The following SLC25A31 variants were observed in gnomAD, a reference collection of about 807,000 sequenced individuals.
SLC25A31 encodes the protein solute carrier family 25 member 31.
A neutral mutation model predicts 36.2 loss-of-function variants in SLC25A31; 40 were observed. The observed-to-expected ratio is 1.10, with a 90% CI of 0.86 to 1.44. The LOEUF is 1.44. SLC25A31 is among the 40% of genes most tolerant of loss of function. The pLI, the probability that SLC25A31 is intolerant of heterozygous loss-of-function variation, is 0.00. For synonymous variants in SLC25A31, 143 were observed against 149.7 expected (o/e 0.96, Z 0.32); for missense variants, 350 against 397.1 (o/e 0.88, Z 1.01).
intron 5 of SLC25A31, 58 bp downstream of exon 5, chr4:127,768,935 G>T: frequency 2.1e-6 from 3 of 1,446,570 alleles, no homozygotes; most frequent in Non-Finnish European, 1.8e-6. Context: ...TGATATTTAG[G>T]TATAATCAAA....
chr4:127,759,894 C>T (rs1231842853), intron 2 of SLC25A31, among the ~76,000 whole-genome samples: 1 of 152,130 alleles, frequency 6.6e-6, no homozygotes, highest in Non-Finnish European at 1.5e-5. Flanking sequence ...TAGAAAAAGC[C>T]AATCTCAAAG....
intron 5 of SLC25A31, among the ~76,000 whole-genome samples, chr4:127,771,123 A>C (rs1458393309): frequency 6.6e-6 from 1 of 151,346 alleles, no homozygotes; most frequent in African/African-American, 2.4e-5. Flanking sequence ...CACCCAGCTA[A>C]TTTTTTGTAT....
Position 127,767,198 on chromosome 4 carries a change from T to A in SLC25A31, c.611T>A (p.Phe204Tyr). 1.9e-6 allele frequency: 3 copies of A among 1,604,210 alleles called. No homozygotes were observed. Among genetic ancestry groups the A allele is most frequent in the Non-Finnish European group, 2.6e-6 (3 of 1,175,250 alleles). ...ATCATTGTGTACCGAGCCTCTTATT[T>A]TGGAGCTTATGACACAGTTAAGGTA... ...QGIIVYRASY[F>Y]GAYDTVKGLL... The change falls in exon 4 of 6, where the codon TTT becomes TAT. Residue 204 changes from phenylalanine to tyrosine, a missense_variant. Phe to Tyr is a conservative substitution (Grantham distance 22). Coordinates refer to ENST00000281154, the MANE Select transcript of SLC25A31 (RefSeq NM_031291.4).
At chr4:127,742,615 G>A (rs1376615886) in intron 1 of SLC25A31, among the ~76,000 whole-genome samples, 2 of 152,192 alleles carry the variant, frequency 1.3e-5, no homozygotes, top group East Asian at 1.9e-4. Flanking sequence ...TGTGCAATAA[G>A]CAGCAGAACC....
In SLC25A31 at chr4:127,730,706, C is replaced by A; in HGVS notation, c.161C>A (p.Ser54Ter). Residue 54 changes from serine to a stop codon, truncating the protein, a stop_gained, in exon 1 of 6, where the codon TCG becomes TAG. Coordinates refer to ENST00000281154, the MANE Select transcript of SLC25A31 (RefSeq NM_031291.4). LOFTEE classifies it high-confidence loss of function. ...CTGCTGCTGCAGGTGCAGGCGTCGT[C>A]GAAGCAGATCAGCCCCGAGGCGCGG... ...VKLLLQVQAS[S>*]KQISPEARYK... is the part of the protein sequence containing the mutation. 1 of 1,613,880 alleles carries A rather than the reference C, an allele frequency of 6.2e-7. No individual in the cohort carries two copies. Among genetic ancestry groups the A allele is most frequent in the South Asian group, 1.1e-5 (1 of 91,072 alleles).
In SLC25A31 at chr4:127,742,694, T is replaced by A. The variant is rs553597565; in HGVS notation, c.233-1978T>A. Among the ~76,000 whole-genome samples the A allele has an allele frequency of 2.7e-4, 41 of 152,346 alleles. No homozygotes were observed. In the South Asian group the frequency reaches 7.2e-3, roughly 27 times the overall value. On this transcript the variant is annotated intron_variant, in intron 1 of 5. Transcript: ENST00000281154. ...CTCTCTCCTTCTTCTAACTTTGGACTTAGTTTGTTCTTTCTCTAGCTCCTT... is the reference window on the plus strand; with the variant it reads ...CTCTCTCCTTCTTCTAACTTTGGACATAGTTTGTTCTTTCTCTAGCTCCTT...
intron 2 of SLC25A31, among the ~76,000 whole-genome samples, chr4:127,751,182 G>C (rs758471729): frequency 3.9e-4 from 60 of 152,214 alleles, no homozygotes; most frequent in Non-Finnish European, 6.3e-4. Context: ...ATACTACAAG[G>C]CTACAGTAAC....
rs1417662482 is a variant in SLC25A31 at position 127,773,703 on chromosome 4, C to CA, written c.*130dup. On this transcript the variant is annotated 3_prime_UTR_variant, in exon 6 of 6. Coordinates refer to ENST00000281154, the MANE Select transcript of SLC25A31 (RefSeq NM_031291.4). ...TTAAAGTGCTAGTTCTGCAATAAAG[C>CA]ATACATTTTTTCAAGAATTTAAATA... The CA allele has an allele frequency of 1.5e-6, 1 of 671,262 alleles. No individual in the cohort carries two copies. The highest frequency in any genetic ancestry group is 2.2e-6 in the Non-Finnish European group (1 of 455,482). The allele number at this position is 671,262 out of a possible 1,614,324, so 41.6% of individuals were successfully genotyped here.
intron 2 of SLC25A31, among the ~76,000 whole-genome samples, chr4:127,756,001 C>T (rs547660349): frequency 6.6e-6 from 1 of 151,656 alleles, no homozygotes; most frequent in African/African-American, 2.4e-5. Flanking sequence ...CCATTGCGCT[C>T]CAGCCTGGGC....
At chr4:127,749,160 A>G (rs1297362340) in intron 2 of SLC25A31, among the ~76,000 whole-genome samples, 3 of 152,112 alleles carry the variant, frequency 2.0e-5, no homozygotes, top group African/African-American at 7.2e-5. Flanking sequence ...GAGAGCTTTA[A>G]CAGCTGACGC....
intron 2 of SLC25A31, among the ~76,000 whole-genome samples, chr4:127,760,045 T>C (rs1334217133): frequency 1.3e-5 from 2 of 152,172 alleles, no homozygotes; most frequent in Non-Finnish European, 2.9e-5. Flanking sequence ...CTCATGGAAC[T>C]GTTGACCAAT....
chr4:127,734,799 G>A (rs1179043190), intron 1 of SLC25A31, among the ~76,000 whole-genome samples: 1 of 151,770 alleles, frequency 6.6e-6, no homozygotes, highest in African/African-American at 2.4e-5. Flanking sequence ...TGTACTTTAA[G>A]TAAAATACAA....
In SLC25A31 at chr4:127,730,422, G is replaced by A. The variant is rs1398317892; in HGVS notation, c.-124G>A. Reference sequence around the variant, plus strand: ...CTCGCCGGCGCGCGGCTCTCTCAGCGTCCCAAGAGCCACTTTCTCGCCAGT... The same window carrying A: ...CTCGCCGGCGCGCGGCTCTCTCAGCATCCCAAGAGCCACTTTCTCGCCAGT... On this transcript the variant is annotated 5_prime_UTR_variant, in exon 1 of 6. Transcript: ENST00000281154. 3.8e-5 allele frequency: 41 copies of A among 1,077,928 alleles called. 1 individual carries two copies. The highest frequency in any genetic ancestry group is 6.4e-5 in the African/African-American group (4 of 62,742). 66.8% of individuals were successfully genotyped at this position (1,077,928 alleles called of 1,614,324 possible). A position where few individuals can be genotyped will look rare whatever the true frequency, so the allele number is the denominator to read the frequency against.
At chr4:127,772,786 C>CTTTT (rs750539361) in intron 5 of SLC25A31, among the ~76,000 whole-genome samples, 1 of 131,412 alleles carries the variant, frequency 7.6e-6, no homozygotes, top group African/African-American at 2.8e-5. Flanking sequence ...TTTTTTTTTT[C>CTTTT]TTTTTTTTTT....
chr4:127,735,315 A>G (rs1040623826), intron 1 of SLC25A31, among the ~76,000 whole-genome samples: 1 of 152,230 alleles, frequency 6.6e-6, no homozygotes, highest in African/African-American at 2.4e-5. Context: ...GTGTGAAAGC[A>G]TCATAATTAG....
intron 2 of SLC25A31, among the ~76,000 whole-genome samples, chr4:127,756,974 G>A (rs549845748): frequency 4.6e-5 from 7 of 152,236 alleles, no homozygotes; most frequent in African/African-American, 1.7e-4. Flanking sequence ...ATTTATCCTG[G>A]AGAAATGAAA....
chr4:127,770,103 A>AAACT (rs1399798956), intron 5 of SLC25A31, among the ~76,000 whole-genome samples: 3 of 152,214 alleles, frequency 2.0e-5, no homozygotes, highest in African/African-American at 7.2e-5. Flanking sequence ...TGGCAGATTA[A>AAACT]AACTAACCCG....
chr4:127,746,145 T>G (rs914657218), intron 2 of SLC25A31, among the ~76,000 whole-genome samples: 1 of 152,218 alleles, frequency 6.6e-6, no homozygotes, highest in African/African-American at 2.4e-5. Flanking sequence ...TTTTGTACTT[T>G]TTTATGGCTG....
chr4:127,755,518 T>C (rs1732012946), intron 2 of SLC25A31, among the ~76,000 whole-genome samples: 1 of 152,034 alleles, frequency 6.6e-6, no homozygotes, highest in Non-Finnish European at 1.5e-5. Flanking sequence ...GACATACAGA[T>C]AGACAACAGG....
Sources: allele counts gnomAD v4.1 joint callset (sites outside exome capture counted in the v4.1 genomes callset), GRCh38; gene constraint gnomAD v4.1.1; transcripts MANE v1.5; gene names NCBI Gene and HGNC (gene_info 2026-07-23, HGNC 2026-07-21).